The following NBPF8 variants were observed in gnomAD, a reference collection of about 807,000 sequenced individuals.
The protein encoded by NBPF8 is NBPF member 8, also known as NBPF family member NBPF8.
chr1:120,432,092 A>G (rs1660895239), upstream of NBPF8: 1 of 141,182 alleles, frequency 7.1e-6, no homozygotes, highest in Non-Finnish European at 1.5e-5. Flanking sequence ...CTGGAACCTC[A>G]GTTAAATTCA....
chr1:120,435,625 G>A (rs1236596247), upstream of NBPF8, among the ~76,000 whole-genome samples: 1,531 of 149,174 alleles, frequency 0.01, 21 homozygotes, highest in African/African-American at 0.036. Flanking sequence ...GGCAGATCAC[G>A]AGGTCAGGAG....
At chr1:120,427,076 T>C (rs1660747214) in intron 2 of NBPF8, among the ~76,000 whole-genome samples, 1 of 122,444 alleles carries the variant, frequency 8.2e-6, no homozygotes, top group Admixed American at 7.5e-5. Flanking sequence ...TCAAAATGTT[T>C]TTGAGATTCA....
chr1:120,419,586 G>A (rs1660517776), upstream of NBPF8, among the ~76,000 whole-genome samples: 2 of 152,166 alleles, frequency 1.3e-5, no homozygotes, highest in African/African-American at 4.8e-5. Context: ...AACCTTCAGA[G>A]TAGCTGAGAC....
upstream of NBPF8, chr1:120,433,532 G>C (rs1162345566): frequency 1.3e-5 from 2 of 155,020 alleles, no homozygotes; most frequent in South Asian, 4.1e-4. Context: ...CCCAGCCCAT[G>C]TGGTTTTGGC....
upstream of NBPF8, among the ~76,000 whole-genome samples, chr1:120,417,830 G>A (rs1419298679): frequency 1.6e-4 from 23 of 145,928 alleles, no homozygotes; most frequent in African/African-American, 5.7e-4. Flanking sequence ...CAAACTCTTG[G>A]GCTCAAGTAA....
At chr1:120,421,373 T>A (rs1270132128) in intron 1 of NBPF8, among the ~76,000 whole-genome samples, 6 of 151,242 alleles carry the variant, frequency 4.0e-5, no homozygotes, top group Admixed American at 2.6e-4. Flanking sequence ...CTTCCCTACT[T>A]CTCTCCCCTC....
chr1:120,433,893 A>G (rs1570933004), upstream of NBPF8: 1 of 165,048 alleles, frequency 6.1e-6, no homozygotes. Context: ...CAGCCCATTC[A>G]TGACAAAGCT....
chr1:120,468,692 C>T (rs1475809306), downstream of NBPF8, among the ~76,000 whole-genome samples: 22 of 148,040 alleles, frequency 1.5e-4, no homozygotes, highest in Admixed American at 4.0e-4. Context: ...GTCCTCTGCA[C>T]GGTGAAGCCC....
chr1:120,433,534 G>A (rs1660948050), upstream of NBPF8: 1 of 155,126 alleles, frequency 6.4e-6, no homozygotes, highest in Non-Finnish European at 1.5e-5. Context: ...CAGCCCATGT[G>A]GTTTTGGCAG....
At chr1:120,451,909 G>C (rs1416533327) in intron 12 of NBPF8, among the ~76,000 whole-genome samples, 2 of 151,744 alleles carry the variant, frequency 1.3e-5, no homozygotes, top group African/African-American at 2.4e-5. Flanking sequence ...ACATCATCGA[G>C]GATCTTGCAA....
intron 23 of NBPF8, 35 bp downstream of exon 21, chr1:120,464,583 C>A (rs1197496161): frequency 1.3e-6 from 1 of 780,006 alleles, no homozygotes; most frequent in African/African-American, 1.7e-5. Context: ...TAAGGATCCA[C>A]TGAGTCTTCC....
intron 24 of NBPF8, 101 bp downstream of exon 22, chr1:120,465,472 A>G (rs1428405052): frequency 0.3 from 130,156 of 438,332 alleles, 42,838 homozygotes; most frequent in East Asian, 0.68. Flanking sequence ...TTCAACGAAG[A>G]CTGAATTACT....
chr1:120,456,218 G>T (rs1209725465), intron 16 of NBPF8, among the ~76,000 whole-genome samples: 4 of 151,282 alleles, frequency 2.6e-5, no homozygotes, highest in Non-Finnish European at 5.9e-5. Flanking sequence ...GTGTGATGTG[G>T]TGCTGAGAAG....
In NBPF8 at chr1:120,425,198, A is replaced by C. The variant is rs1182447258; in HGVS notation, n.270-549A>C. ...AGGGTCTGTGCTGAGGAGGATTAGTAAAAGAGGAAGGAAGGCCTCTTTGCA... is the reference window on the plus strand; with the variant it reads ...AGGGTCTGTGCTGAGGAGGATTAGTCAAAGAGGAAGGAAGGCCTCTTTGCA... On this transcript the variant is annotated intron_variant and non_coding_transcript_variant, in intron 1 of 28. Coordinates refer to the NBPF8 transcript ENST00000652355. Among the ~76,000 whole-genome samples the C allele has an allele frequency of 5.3e-5, 8 of 152,176 alleles. No homozygotes were observed. The South Asian group carries it at 1.5e-3, about 28-fold the overall frequency.
exon 25 of NBPF8, chr1:120,466,312 G>A: frequency 1.3e-6 from 2 of 1,544,498 alleles, no homozygotes; most frequent in South Asian, 1.2e-5. Flanking sequence ...CCATTTGGAA[G>A]CCCAGACATA....
At chr1:120,452,899 TCC>T (rs1661325114) in intron 13 of NBPF8, among the ~76,000 whole-genome samples, 1 of 152,114 alleles carries the variant, frequency 6.6e-6, no homozygotes, top group African/African-American at 2.4e-5. Flanking sequence ...ACTGGAGCGC[TCC>T]CCATGGATAG....
upstream of NBPF8, among the ~76,000 whole-genome samples, chr1:120,415,259 C>T (rs1660397849): frequency 6.6e-6 from 1 of 152,190 alleles, no homozygotes. Context: ...CAGCGAAGTC[C>T]ACCCAGCGTT....
At chr1:120,461,194 T>G (rs1488366613) in intron 18 of NBPF8, 60 bp from the exon 17 acceptor site, 1 of 601,914 alleles carries the variant, frequency 1.7e-6, no homozygotes, top group African/African-American at 2.3e-5. Context: ...GAAATCTAGC[T>G]GGGGCTGTGT....
At chr1:120,430,550 G>A (rs1660847448) in intron 3 of NBPF8, among the ~76,000 whole-genome samples, 1 of 127,072 alleles carries the variant, frequency 7.9e-6, no homozygotes, top group South Asian at 2.3e-4. Flanking sequence ...GTCAGGAGAT[G>A]GAGACCATCA....
Sources: allele counts gnomAD v4.1 joint callset (sites outside exome capture counted in the v4.1 genomes callset), GRCh38; gene constraint gnomAD v4.1.1; transcripts MANE v1.5; gene names NCBI Gene and HGNC (gene_info 2026-07-23, HGNC 2026-07-21).